Variants in DENND1A observed in about 807,000 individuals in gnomAD.
The protein encoded by DENND1A is DENN domain-containing protein 1A.
A neutral mutation model predicts 113.7 loss-of-function variants in DENND1A; 51 were observed. The ratio of observed to expected loss-of-function variants is 0.45; its 90% CI spans 0.36 to 0.57. The LOEUF (loss-of-function observed/expected upper bound fraction) is 0.57, where lower values mean the gene tolerates loss of function less well. DENND1A is among the 20% of genes least tolerant of loss of function. The probability of loss-of-function intolerance (pLI) is 0.00; values close to 1 mark genes in which losing one functional copy is unlikely to be tolerated. For missense variants in DENND1A, 1,258 were observed against 1,395.9 expected, an observed-to-expected ratio of 0.90 and a Z score of 1.57; for synonymous variants, 565 against 570.8, an observed-to-expected ratio of 0.99 and a Z score of 0.14.
At chr9:123,637,075 A>T (rs570612987) in intron 9 of DENND1A, among the ~76,000 whole-genome samples, 1 of 152,340 alleles carries the variant, frequency 6.6e-6, no homozygotes, top group Non-Finnish European at 1.5e-5. Context: ...TCCAAGCTCT[A>T]AAAGCTGGCA....
intron 13 of DENND1A, chr9:123,492,547 G>C (rs2051467774): frequency 6.6e-6 from 1 of 152,256 alleles, no homozygotes; most frequent in Non-Finnish European, 1.5e-5. Flanking sequence ...GCCAAGGAGT[G>C]AGACACCATC....
intron 11 of DENND1A, among the ~76,000 whole-genome samples, chr9:123,585,319 C>T (rs1202175181): frequency 6.6e-6 from 1 of 152,226 alleles, no homozygotes; most frequent in East Asian, 1.9e-4. Context: ...AACCCCAACA[C>T]CCATTATTAC....
intron 5 of DENND1A, among the ~76,000 whole-genome samples, chr9:123,720,585 C>T (rs2067267510): frequency 6.6e-6 from 1 of 152,212 alleles, no homozygotes; most frequent in South Asian, 2.1e-4. Context: ...GCAACTGGTA[C>T]AGACACATGT....
At chr9:123,857,999 C>A (rs974020143) in intron 2 of DENND1A, among the ~76,000 whole-genome samples, 4 of 147,620 alleles carry the variant, frequency 2.7e-5, no homozygotes, top group African/African-American at 1.0e-4. Context: ...GCGGAGCTTG[C>A]AGTGAGCAGA....
chr9:123,532,596 T>C (rs904428580), intron 13 of DENND1A, among the ~76,000 whole-genome samples: 1 of 152,230 alleles, frequency 6.6e-6, no homozygotes, highest in Non-Finnish European at 1.5e-5. Flanking sequence ...GATTCAAGTA[T>C]GAAGGTAGGC....
At chr9:123,516,989 T>C (rs189617368) in intron 13 of DENND1A, among the ~76,000 whole-genome samples, 1 of 147,882 alleles carries the variant, frequency 6.8e-6, no homozygotes, top group East Asian at 2.0e-4. Context: ...AAAATAATCA[T>C]ATCCTTTAAT....
intron 2 of DENND1A, among the ~76,000 whole-genome samples, chr9:123,838,111 C>T (rs1034526022): frequency 6.6e-6 from 1 of 152,142 alleles, no homozygotes; most frequent in African/African-American, 2.4e-5. Context: ...CACAACCTAA[C>T]CATTAACCTT....
At chr9:123,554,614 T>C (rs990566535) in intron 13 of DENND1A, among the ~76,000 whole-genome samples, 2 of 152,256 alleles carry the variant, frequency 1.3e-5, no homozygotes, top group African/African-American at 4.8e-5. Flanking sequence ...TCTGGTTTCC[T>C]TCTCCACCTT....
intron 2 of DENND1A, among the ~76,000 whole-genome samples, chr9:123,840,858 C>T (rs1841728730): frequency 6.6e-6 from 1 of 152,150 alleles, no homozygotes; most frequent in African/African-American, 2.4e-5. Flanking sequence ...AGTGCCTACA[C>T]AGGTATAAAT....
At chr9:123,926,778 C>G (rs933931357) in intron 1 of DENND1A, among the ~76,000 whole-genome samples, 1 of 151,880 alleles carries the variant, frequency 6.6e-6, no homozygotes, top group Non-Finnish European at 1.5e-5. Context: ...TCTCAAACAA[C>G]CATGTGCCAG....
rs564537171 is a variant in DENND1A, at chr9:123,823,663, C to CA, written c.89-31034dup. On this transcript the variant is annotated intron_variant, in intron 2 of 23. Transcript: ENST00000394215. Reference sequence around the variant, plus strand: ...CTGTGGAGAATGGACTGGAATTAGGCAAAATGAAATATAAGATTAGCTGGG... The same window carrying CA: ...CTGTGGAGAATGGACTGGAATTAGGCAAAAATGAAATATAAGATTAGCTGGG... Among the ~76,000 whole-genome samples, 39 of 152,228 alleles carry CA rather than the reference C, an allele frequency of 2.6e-4. No homozygotes were observed. The East Asian group carries it at 6.2e-3, about 24-fold the overall frequency.
intron 5 of DENND1A, among the ~76,000 whole-genome samples, chr9:123,718,923 G>A (rs905409007): frequency 2.6e-5 from 4 of 152,122 alleles, no homozygotes; most frequent in African/African-American, 4.8e-5. Flanking sequence ...GGATGGACCC[G>A]GTGGGAGATA....
intron 11 of DENND1A, among the ~76,000 whole-genome samples, chr9:123,607,516 CACACAGAGAGAGAG>C (rs1564807569): frequency 1.2e-5 from 1 of 80,314 alleles, no homozygotes; most frequent in African/African-American, 5.8e-5. Context: ...CACACACACA[CACACAGAGAGAGAG>C]AGAGAGAGAG....
chr9:123,431,650 T>C (rs781316333), intron 19 of DENND1A, among the ~76,000 whole-genome samples: 2 of 152,206 alleles, frequency 1.3e-5, no homozygotes, highest in South Asian at 4.1e-4. Context: ...GGATACCACC[T>C]GAGCCCCTTA....
intron 5 of DENND1A, among the ~76,000 whole-genome samples, chr9:123,755,018 G>T (rs989682473): frequency 6.6e-6 from 1 of 152,014 alleles, no homozygotes; most frequent in East Asian, 1.9e-4. Context: ...AAACCTTTTT[G>T]CAAAACTCTA....
At chr9:123,872,573 A>C (rs58342747) in intron 2 of DENND1A, among the ~76,000 whole-genome samples, 229 of 152,332 alleles carry the variant, frequency 1.5e-3, no homozygotes, top group African/African-American at 5.3e-3. Context: ...AAACATTAAC[A>C]GTAGTTATTG....
chr9:123,529,756 C>T (rs569316285), intron 13 of DENND1A, among the ~76,000 whole-genome samples: 4 of 152,304 alleles, frequency 2.6e-5, no homozygotes, highest in African/African-American at 7.2e-5. Flanking sequence ...CCCAATTCAT[C>T]CACCCACATG....
intron 13 of DENND1A, among the ~76,000 whole-genome samples, chr9:123,467,094 C>CA (rs1309293229): frequency 1.3e-5 from 2 of 151,902 alleles, no homozygotes; most frequent in East Asian, 1.9e-4. Context: ...CAAAACAAAA[C>CA]AAAAAAACAT....
chr9:123,508,122 G>A (rs191204863), intron 13 of DENND1A, among the ~76,000 whole-genome samples: 1 of 152,296 alleles, frequency 6.6e-6, no homozygotes, highest in Non-Finnish European at 1.5e-5. Context: ...AAGAAACACC[G>A]CCTCAGCTAG....
Sources: allele counts gnomAD v4.1 joint callset (sites outside exome capture counted in the v4.1 genomes callset), GRCh38; gene constraint gnomAD v4.1.1; transcripts MANE v1.5; gene names NCBI Gene and HGNC (gene_info 2026-07-23, HGNC 2026-07-21).